ARL15: variants seen among roughly 807,000 people sequenced by gnomAD.
The protein encoded by ARL15 is ARF like GTPase 15, also known as ADP-ribosylation factor-like protein 15.
In ARL15, 19 loss-of-function variants were observed where a neutral mutation model predicts 25.2. That is an observed-to-expected ratio of 0.75 (90% CI 0.53 to 1.10). The LOEUF (loss-of-function observed/expected upper bound fraction) is 1.10, where lower values mean the gene tolerates loss of function less well. ARL15 is among the 50% of genes least tolerant of loss of function. ARL15 has a pLI of 0.00. For synonymous variants in ARL15, 94 were observed against 86.8 expected (o/e 1.08, Z -0.46); for missense variants, 220 against 246.0 (o/e 0.89, Z 0.71).
intron 4 of ARL15, among the ~76,000 whole-genome samples, chr5:53,985,345 G>A (rs1748258857): frequency 6.6e-6 from 1 of 152,130 alleles, no homozygotes; most frequent in Non-Finnish European, 1.5e-5. Context: ...ATTTTTAAGT[G>A]TACAGTTCAG....
intron 4 of ARL15, among the ~76,000 whole-genome samples, chr5:53,987,372 C>A (rs1748331283): frequency 6.6e-6 from 1 of 152,020 alleles, no homozygotes; most frequent in Admixed American, 6.6e-5. Flanking sequence ...CTAGATCTAG[C>A]CTCGTCCTTC....
At chr5:53,955,649 G>T (rs780307591) in intron 4 of ARL15, among the ~76,000 whole-genome samples, 1 of 152,136 alleles carries the variant, frequency 6.6e-6, no homozygotes, top group Non-Finnish European at 1.5e-5. Context: ...AAGCAATGCC[G>T]AATCAAGAGT....
intron 3 of ARL15, among the ~76,000 whole-genome samples, chr5:54,116,995 T>C (rs1165260783): frequency 1.3e-5 from 2 of 152,174 alleles, no homozygotes; most frequent in African/African-American, 4.8e-5. Context: ...TCCAAAAACA[T>C]TTCCCAACTG....
rs560613858 is a variant in ARL15, at chr5:53,975,955, T to C, written c.463-89242A>G. Among the ~76,000 whole-genome samples the C allele has an allele frequency of 5.7e-4, 87 of 152,340 alleles. 1 individual carries two copies. The South Asian group carries it at 6.4e-3, about 11-fold the overall frequency. Reference sequence around the variant, plus strand: ...CTTTCTATCAAGGAAAGCTACCCGCTGTCACAGACTCATGATACCTTTAGG... The same window carrying C: ...CTTTCTATCAAGGAAAGCTACCCGCCGTCACAGACTCATGATACCTTTAGG... On this transcript the variant is annotated intron_variant, in intron 4 of 4. Transcript: ENST00000504924.
intron 1 of ARL15, among the ~76,000 whole-genome samples, chr5:54,226,432 T>A (rs1756520387): frequency 6.6e-6 from 1 of 152,110 alleles, no homozygotes; most frequent in Admixed American, 6.5e-5. Flanking sequence ...TTAAAGGGAA[T>A]GCAGAAATTC....
intron 4 of ARL15, among the ~76,000 whole-genome samples, chr5:54,009,354 G>A (rs1320410305): frequency 1.3e-5 from 2 of 152,102 alleles, no homozygotes; most frequent in Admixed American, 6.6e-5. Context: ...CATAAAAATT[G>A]TAAACTTTCT....
rs1360900279 is a variant in ARL15 at position 53,907,488 on chromosome 5, A to ATAT, written c.463-20776_463-20775insATA. Among the ~76,000 whole-genome samples the ATAT allele has an allele frequency of 2.0e-3, 36 of 18,014 alleles. 1 individual carries two copies. Among genetic ancestry groups the ATAT allele is most frequent in the East Asian group, 0.016 (6 of 382 alleles). 11.8% of individuals were successfully genotyped at this position (18,014 alleles called of 152,430 possible). On this transcript the variant is annotated intron_variant, in intron 4 of 4. Coordinates refer to ENST00000504924, the MANE Select transcript of ARL15 (RefSeq NM_019087.3). ...TATATATATATATATATATATATATATTTTTTTTTTTTTTTTTTTTTTTTT... is the reference window on the plus strand; with the variant it reads ...TATATATATATATATATATATATATATATTTTTTTTTTTTTTTTTTTTTTTTTT...
chr5:54,292,527 C>T (rs938775793), intron 1 of ARL15, among the ~76,000 whole-genome samples: 3 of 152,134 alleles, frequency 2.0e-5, no homozygotes, highest in African/African-American at 4.8e-5. Flanking sequence ...TATAGACCCT[C>T]GTAAGCCCAC....
At chr5:54,173,985 C>T (rs1158558171) in intron 1 of ARL15, among the ~76,000 whole-genome samples, 1 of 152,132 alleles carries the variant, frequency 6.6e-6, no homozygotes, top group African/African-American at 2.4e-5. Flanking sequence ...TCATCCCATC[C>T]TCAGGGCAGT....
chr5:54,023,729 T>G (rs1749689736), intron 4 of ARL15, among the ~76,000 whole-genome samples: 1 of 152,184 alleles, frequency 6.6e-6, no homozygotes, highest in Non-Finnish European at 1.5e-5. Flanking sequence ...TGAAGTTCCC[T>G]TATCTGCTGA....
At position 54,227,952 on chromosome 5, in the gene ARL15, C is replaced by T. The variant is rs527729387; in HGVS notation, c.49-56024G>A. On this transcript the variant is annotated intron_variant, in intron 1 of 4. Transcript: ENST00000504924. ...TGAGAAGAGACTGGACTGGCAGAAG[C>T]AGGAGATAAGAGGATGGGTTGGAAA... 9.9e-5 allele frequency among the ~76,000 whole-genome samples: 15 copies of T among 152,218 alleles called. No individual in the cohort carries two copies. In the East Asian group the frequency reaches 2.9e-3, roughly 29 times the overall value.
chr5:54,112,786 C>CAACATTG (rs1212768435), intron 4 of ARL15, among the ~76,000 whole-genome samples: 1 of 152,056 alleles, frequency 6.6e-6, no homozygotes, highest in Non-Finnish European at 1.5e-5. Context: ...TAATCCTAGT[C>CAACATTG]AACATTGAAC....
intron 1 of ARL15, among the ~76,000 whole-genome samples, chr5:54,187,118 C>T (rs1755262671): frequency 6.6e-6 from 1 of 152,140 alleles, no homozygotes; most frequent in East Asian, 1.9e-4. Context: ...CAAGGTAACA[C>T]TATTATAAGT....
intron 4 of ARL15, among the ~76,000 whole-genome samples, chr5:53,947,431 C>A (rs1048179341): frequency 2.6e-5 from 4 of 152,066 alleles, no homozygotes; most frequent in Non-Finnish European, 4.4e-5. Flanking sequence ...CAAAACTAAT[C>A]AAACAAATGG....
intron 4 of ARL15, among the ~76,000 whole-genome samples, chr5:53,989,647 G>T (rs1282913466): frequency 1.3e-5 from 2 of 151,794 alleles, no homozygotes; most frequent in African/African-American, 4.8e-5. Flanking sequence ...GCTAAGTGAG[G>T]TTTATAAAGT....
At chr5:54,024,533 G>T (rs945471184) in intron 4 of ARL15, among the ~76,000 whole-genome samples, 1 of 152,066 alleles carries the variant, frequency 6.6e-6, no homozygotes, top group African/African-American at 2.4e-5. Flanking sequence ...GGTCGGTATG[G>T]TACTAACTCA....
chr5:54,072,344 G>A (rs1751456336), intron 4 of ARL15, among the ~76,000 whole-genome samples: 1 of 152,140 alleles, frequency 6.6e-6, no homozygotes, highest in Admixed American at 6.6e-5. Flanking sequence ...GGGACAGTGT[G>A]AAAAACCTAA....
At chr5:53,891,747 G>C (rs893907879) in intron 4 of ARL15, among the ~76,000 whole-genome samples, 1 of 152,148 alleles carries the variant, frequency 6.6e-6, no homozygotes, top group African/African-American at 2.4e-5. Flanking sequence ...AGGTGGTTGT[G>C]GTGGGGTCAG....
intron 1 of ARL15, among the ~76,000 whole-genome samples, chr5:54,274,284 G>A (rs1757867088): frequency 6.6e-6 from 1 of 152,178 alleles, no homozygotes; most frequent in Admixed American, 6.5e-5. Context: ...AAGGCATGTG[G>A]CAGAGAAGTC....
Sources: allele counts gnomAD v4.1 joint callset (sites outside exome capture counted in the v4.1 genomes callset), GRCh38; gene constraint gnomAD v4.1.1; transcripts MANE v1.5; gene names NCBI Gene and HGNC (gene_info 2026-07-23, HGNC 2026-07-21).